The following SEPSECS variants were observed in gnomAD, a reference collection of about 807,000 sequenced individuals.
The protein encoded by SEPSECS is O-phosphoseryl-tRNA(Sec) selenium transferase.
A neutral mutation model predicts 52.1 loss-of-function variants in SEPSECS; 42 were observed. The observed-to-expected ratio is 0.81, with a 90% CI of 0.63 to 1.04. The LOEUF is 1.04. Among genes scored for constraint, SEPSECS ranks in the 50% least tolerant of loss-of-function variants. The pLI is 0.00. For missense variants in SEPSECS, 590 were observed against 610.6 expected, an observed-to-expected ratio of 0.97 and a Z score of 0.36; for synonymous variants, 216 against 211.4, an observed-to-expected ratio of 1.02 and a Z score of -0.19.
Position 25,120,492 on chromosome 4 carries a change from CT to C in SEPSECS, c.*3438del, listed in dbSNP as rs1560316805. ...CAAGGAAAAAACTGACTAATAGAAC[CT>C]TTTCTTAAAAAGCTGTTAATAGCAT... On this transcript the variant is annotated 3_prime_UTR_variant, in exon 11 of 11. Transcript: ENST00000382103. The C allele has an allele frequency of 2.0e-5, 3 of 152,220 alleles. No homozygotes were observed. Among genetic ancestry groups the C allele is most frequent in the African/African-American group, 2.4e-5 (1 of 41,528 alleles). 9.4% of individuals were successfully genotyped at this position (152,220 alleles called of 1,614,324 possible).
In SEPSECS at chr4:25,123,769, C is replaced by A; in HGVS notation, c.*162G>T. On this transcript the variant is annotated 3_prime_UTR_variant, in exon 11 of 11. Transcript: ENST00000382103. ...ATTGATGCAGTCTAAGAATGGGAAA[C>A]TTAACAATCATCAATGGCTAGTTCA... is the stretch of plus-strand genomic sequence containing the variant. The A allele has an allele frequency of 1.6e-6, 1 of 631,434 alleles. No individual in the cohort carries two copies. The highest frequency in any genetic ancestry group is 2.8e-6 in the Non-Finnish European group (1 of 355,700). The allele number at this position is 631,434 out of a possible 1,614,324, so 39.1% of individuals were successfully genotyped here. A position where few individuals can be genotyped will look rare whatever the true frequency, so the allele number is the denominator to read the frequency against.
chr4:25,149,189 C>G (rs1413463829), intron 6 of SEPSECS, among the ~76,000 whole-genome samples: 1 of 152,092 alleles, frequency 6.6e-6, no homozygotes, highest in African/African-American at 2.4e-5. Flanking sequence ...TCCTGAGTAG[C>G]TGGGACTACA....
intron 2 of SEPSECS, 116 bp from the exon 3 acceptor site, chr4:25,157,090 A>G (rs1371313459): frequency 2.7e-6 from 2 of 738,604 alleles, no homozygotes; most frequent in Non-Finnish European, 5.0e-6. Flanking sequence ...TTTGGCTGTT[A>G]CAGATATATG....
rs1224544116 is a variant in SEPSECS, at chr4:25,122,121, T to C, written c.*1810A>G. The C allele has an allele frequency of 1.3e-5, 2 of 152,202 alleles. No individual in the cohort carries two copies. The highest frequency in any genetic ancestry group is 2.4e-5 in the African/African-American group (1 of 41,470). The allele number at this position is 152,202 out of a possible 1,614,324, so 9.4% of individuals were successfully genotyped here. Reference sequence around the variant, plus strand: ...TTTACACTTTTTAATCCAGCATTTATTCCCTTGAAATGAGTTACTACACCT... The same window carrying C: ...TTTACACTTTTTAATCCAGCATTTACTCCCTTGAAATGAGTTACTACACCT... On this transcript the variant is annotated 3_prime_UTR_variant, in exon 11 of 11. Coordinates refer to ENST00000382103, the MANE Select transcript of SEPSECS (RefSeq NM_016955.4).
At chr4:25,126,928 T>C (rs1728396747) in intron 9 of SEPSECS, among the ~76,000 whole-genome samples, 1 of 152,178 alleles carries the variant, frequency 6.6e-6, no homozygotes, top group Admixed American at 6.5e-5. Context: ...AGTGCTAGGA[T>C]TACAGGCGTG....
At chr4:25,143,418 T>C (rs1006617492) in intron 8 of SEPSECS, among the ~76,000 whole-genome samples, 4 of 152,236 alleles carry the variant, frequency 2.6e-5, no homozygotes, top group South Asian at 2.1e-4. Context: ...CAGGATGGCA[T>C]ATAAATGAAA....
intron 8 of SEPSECS, among the ~76,000 whole-genome samples, chr4:25,136,875 CAACGAAACAGAATAGAT>C (rs1370165874): frequency 6.6e-6 from 1 of 152,046 alleles, no homozygotes; most frequent in Non-Finnish European, 1.5e-5. Context: ...ACACATAGGC[CAACGAAACAGAATAGAT>C]AACTCAGAAA....
chr4:25,152,090 A>C (rs901892033), intron 5 of SEPSECS, 28 bp from the exon 6 acceptor site: 1 of 1,222,800 alleles, frequency 8.2e-7, no homozygotes, highest in Non-Finnish European at 1.2e-6. Context: ...CAATAGAAAG[A>C]CATACTCACA....
intron 8 of SEPSECS, among the ~76,000 whole-genome samples, chr4:25,128,217 G>A (rs551667144): frequency 7.9e-5 from 12 of 152,128 alleles, no homozygotes; most frequent in African/African-American, 2.4e-4. Flanking sequence ...TGACCACAAG[G>A]ACTTTGTCTT....
chr4:25,146,017 T>C (rs115985549), intron 6 of SEPSECS, among the ~76,000 whole-genome samples: 65 of 152,292 alleles, frequency 4.3e-4, no homozygotes, highest in African/African-American at 7.0e-4. Context: ...CGGTGAAAAA[T>C]TGAATACTTA....
At chr4:25,143,820 ATTG>A (rs904596582) in intron 8 of SEPSECS, among the ~76,000 whole-genome samples, 2 of 152,164 alleles carry the variant, frequency 1.3e-5, no homozygotes, top group Non-Finnish European at 2.9e-5. Flanking sequence ...AGGGACTACA[ATTG>A]TTGTTAAGTG....
rs1728175025 is a variant in SEPSECS at position 25,122,642 on chromosome 4, T to C, written c.*1289A>G. 1 of 152,170 alleles carries C rather than the reference T, an allele frequency of 6.6e-6. No homozygotes were observed. Among genetic ancestry groups the C allele is most frequent in the Non-Finnish European group, 1.5e-5 (1 of 68,012 alleles). The allele number at this position is 152,170 out of a possible 1,614,324, so 9.4% of individuals were successfully genotyped here. A position where few individuals can be genotyped will look rare whatever the true frequency, so the allele number is the denominator to read the frequency against. On this transcript the variant is annotated 3_prime_UTR_variant, in exon 11 of 11. Transcript: ENST00000382103. ...AACATTTTCTCCCCATGAGCATCTT[T>C]TAGGAACATGATCCACAGAGCTGGG...
At chr4:25,140,347 CT>C (rs1333922935) in intron 8 of SEPSECS, among the ~76,000 whole-genome samples, 3 of 152,204 alleles carry the variant, frequency 2.0e-5, no homozygotes, top group African/African-American at 7.2e-5. Context: ...GATTTATTCA[CT>C]GTTTTTGTCT....
rs779301552 is a variant in SEPSECS, at chr4:25,156,843, A to G, written c.388+13T>C. ...CAGACAGCCAAAAGCATTATGATTA[A>G]GACGGTACATACCAGCCAGCTTTAT... On this transcript the variant is annotated intron_variant, in intron 3 of 10. Coordinates refer to ENST00000382103, the MANE Select transcript of SEPSECS (RefSeq NM_016955.4). 7.4e-7 allele frequency: 1 copy of G among 1,355,352 alleles called. No homozygotes were observed. Among genetic ancestry groups the G allele is most frequent in the Non-Finnish European group, 1.1e-6 (1 of 943,892 alleles). The allele number at this position is 1,355,352 out of a possible 1,614,324, so 84.0% of individuals were successfully genotyped here. A position where few individuals can be genotyped will look rare whatever the true frequency, so the allele number is the denominator to read the frequency against.
chr4:25,126,481 G>T (rs1443275081), intron 9 of SEPSECS, among the ~76,000 whole-genome samples: 1 of 152,078 alleles, frequency 6.6e-6, no homozygotes, highest in Non-Finnish European at 1.5e-5. Context: ...CCTAAAAAAG[G>T]CTTCAGCTAC....
chr4:25,130,760 G>A (rs2109492494), intron 8 of SEPSECS, among the ~76,000 whole-genome samples: 1 of 152,080 alleles, frequency 6.6e-6, no homozygotes, highest in African/African-American at 2.4e-5. Context: ...ATATCGTTTA[G>A]GAGACTATAC....
Position 25,145,017 on chromosome 4 carries a change from G to A in SEPSECS, c.921C>T (p.Ser307=). 2 of 1,613,866 alleles carry A rather than the reference G, an allele frequency of 1.2e-6. No homozygotes were observed. Among genetic ancestry groups the A allele is most frequent in the Non-Finnish European group, 1.7e-6 (2 of 1,179,916 alleles). ...TTATTTATTTACCTGGATACATCTT[G>A]CTGATTTCCTGAATGAATGAATCAT... ...GFNDSFIQEI[S]KMYPGRASAS... Residue 307 remains serine (S), a synonymous_variant, in exon 7 of 11, where the codon AGC becomes AGT. Transcript: ENST00000382103.
intron 8 of SEPSECS, among the ~76,000 whole-genome samples, chr4:25,136,937 C>A (rs1728864759): frequency 6.6e-6 from 1 of 152,080 alleles, no homozygotes; most frequent in Admixed American, 6.5e-5. Flanking sequence ...TGATCTTTGG[C>A]AAACCTGACA....
intron 6 of SEPSECS, among the ~76,000 whole-genome samples, chr4:25,147,712 C>G (rs187239280): frequency 1.3e-5 from 2 of 152,182 alleles, no homozygotes; most frequent in African/African-American, 4.8e-5. Context: ...ATACAGAATA[C>G]TCTATATGCT....
Sources: allele counts gnomAD v4.1 joint callset (sites outside exome capture counted in the v4.1 genomes callset), GRCh38; gene constraint gnomAD v4.1.1; transcripts MANE v1.5; gene names NCBI Gene and HGNC (gene_info 2026-07-23, HGNC 2026-07-21).